Variants in CCDC68 observed in about 807,000 individuals in gnomAD.
The protein encoded by CCDC68 is coiled-coil domain-containing protein 68.
In CCDC68, 45 loss-of-function variants were observed where a neutral mutation model predicts 47.1. The ratio of observed to expected loss-of-function variants is 0.96; its 90% CI spans 0.75 to 1.23. CCDC68 has a LOEUF of 1.23. CCDC68 is among the 50% of genes most tolerant of loss of function. The pLI, the probability that CCDC68 is intolerant of heterozygous loss-of-function variation, is 0.00. For synonymous variants in CCDC68, 131 were observed against 129.5 expected (o/e 1.01, Z -0.08); for missense variants, 353 against 373.6 (o/e 0.94, Z 0.45).
At chr18:54,937,173 C>T (rs2044364322) in intron 5 of CCDC68, 3 of 523,966 alleles carry the variant, frequency 5.7e-6, no homozygotes, top group Non-Finnish European at 6.8e-6. Context: ...GGCAGATTTG[C>T]CATAGTCAAA....
chr18:54,936,492 C>T (rs7243506), intron 6 of CCDC68, among the ~76,000 whole-genome samples: 150,407 of 151,970 alleles, frequency 0.99, 74,454 homozygotes, highest in East Asian at 1. Context: ...TCAGTCTGGG[C>T]CATCTAGCGA....
At chr18:54,910,565 C>T (rs1914297760) in intron 10 of CCDC68, among the ~76,000 whole-genome samples, 1 of 152,202 alleles carries the variant, frequency 6.6e-6, no homozygotes, top group South Asian at 2.1e-4. Context: ...CCCTTCCTGT[C>T]CTGAAGGTGA....
At chr18:54,922,797 G>C (rs1372785629) in intron 8 of CCDC68, among the ~76,000 whole-genome samples, 1 of 152,016 alleles carries the variant, frequency 6.6e-6, no homozygotes, top group Non-Finnish European at 1.5e-5. Flanking sequence ...AGATCAGCCT[G>C]GCCAACATGG....
chr18:54,920,029 A>G (rs1268956090), intron 8 of CCDC68, among the ~76,000 whole-genome samples: 1 of 152,138 alleles, frequency 6.6e-6, no homozygotes, highest in African/African-American at 2.4e-5. Context: ...TTGAATTTAG[A>G]TTATTTATAC....
At chr18:54,942,285 C>T (rs1243923148) in intron 3 of CCDC68, among the ~76,000 whole-genome samples, 1 of 152,108 alleles carries the variant, frequency 6.6e-6, no homozygotes, top group East Asian at 1.9e-4. Context: ...TAACGAGAGG[C>T]ACCAACTCAG....
chr18:54,921,981 GT>G (rs1043171581), intron 8 of CCDC68, among the ~76,000 whole-genome samples: 2 of 151,326 alleles, frequency 1.3e-5, no homozygotes, highest in South Asian at 2.1e-4. Context: ...CAGTCCCCTT[GT>G]TTTTTTTTCC....
chr18:54,917,001 G>C (rs2145412763), intron 10 of CCDC68, among the ~76,000 whole-genome samples: 1 of 152,248 alleles, frequency 6.6e-6, no homozygotes, highest in Admixed American at 6.5e-5. Context: ...TGCCATGATT[G>C]TGAGGCCTCC....
Position 54,941,097 on chromosome 18 carries a change from AC to A in CCDC68, c.118-15del, listed in dbSNP as rs142551755. On this transcript the variant is annotated splice_polypyrimidine_tract_variant and intron_variant, in intron 3 of 11. Transcript: ENST00000591504. ...AGTAGTTCGAATCTAGAGAAGGAAA[AC>A]AAAACCATTTGTTTCAAAGGCATTT... The A allele has an allele frequency of 2.0e-5, 32 of 1,594,850 alleles. No individual in the cohort carries two copies. Among genetic ancestry groups the A allele is most frequent in the South Asian group, 8.9e-5 (8 of 89,586 alleles).
At chr18:54,906,631 C>A (rs967352357) in intron 11 of CCDC68, among the ~76,000 whole-genome samples, 5 of 152,200 alleles carry the variant, frequency 3.3e-5, no homozygotes, top group African/African-American at 1.2e-4. Flanking sequence ...AGCCATCCTT[C>A]CTTCCCTTAG....
intron 7 of CCDC68, among the ~76,000 whole-genome samples, chr18:54,931,976 A>G (rs542596758): frequency 6.6e-6 from 1 of 152,028 alleles, no homozygotes; most frequent in African/African-American, 2.4e-5. Flanking sequence ...TTTAAGTTTT[A>G]CTTTCTTTTT....
intron 1 of CCDC68, among the ~76,000 whole-genome samples, chr18:54,948,276 C>T (rs888143968): frequency 1.3e-5 from 2 of 152,068 alleles, no homozygotes; most frequent in African/African-American, 4.8e-5. Context: ...AGCAATGTGT[C>T]GAGAGATGAG....
chr18:54,946,803 G>T (rs981092109), intron 1 of CCDC68, among the ~76,000 whole-genome samples: 4 of 151,764 alleles, frequency 2.6e-5, no homozygotes, highest in African/African-American at 9.7e-5. Flanking sequence ...GTCAGGTAGG[G>T]GTGATAACAC....
intron 4 of CCDC68, among the ~76,000 whole-genome samples, chr18:54,938,581 A>G (rs1284381005): frequency 6.6e-6 from 1 of 152,274 alleles, no homozygotes; most frequent in Admixed American, 6.5e-5. Flanking sequence ...CACTGCCATT[A>G]TAACCTGATG....
chr18:54,907,864 T>G lies in CCDC68; in HGVS notation c.874-2A>C, dbSNP rs1292368260. The G allele has an allele frequency of 6.4e-7, 1 of 1,570,392 alleles. No individual in the cohort carries two copies. The highest frequency in any genetic ancestry group is 2.2e-5 in the East Asian group (1 of 44,620). On this transcript the variant is annotated splice_acceptor_variant, in intron 10 of 11. Coordinates refer to ENST00000591504, the MANE Select transcript of CCDC68 (RefSeq NM_025214.3). LOFTEE classifies it high-confidence loss of function. ...TACCTGGGTTTTTAGTTCTTTATTC[T>G]AAAATTGAAAAAAAATGCAGACGTC...
chr18:54,914,788 T>C (rs1331116370), intron 10 of CCDC68, among the ~76,000 whole-genome samples: 3 of 152,182 alleles, frequency 2.0e-5, no homozygotes, highest in East Asian at 1.9e-4. Context: ...TGTGGCATAA[T>C]TGCTGAATAG....
In CCDC68 at chr18:54,938,050, A is replaced by G; in HGVS notation, c.252T>C (p.Ser84=). The change falls in exon 5 of 12, where the codon TCT becomes TCC. Residue 84 remains serine, a synonymous_variant. Transcript: ENST00000591504. The part of the protein sequence containing the change: ...QQGSDSEMDP[S]CCSLDLLMKK... ...TCATAAGCAAATCCAAACTGCAACA[A>G]GAAGGATCCATTTCAGAATCAGAGC... 1 of 1,613,950 alleles carries G rather than the reference A, an allele frequency of 6.2e-7. No individual in the cohort carries two copies. The highest frequency in any genetic ancestry group is 8.5e-7 in the Non-Finnish European group (1 of 1,179,866).
chr18:54,915,515 T>A (rs910776557), intron 10 of CCDC68, among the ~76,000 whole-genome samples: 1 of 152,238 alleles, frequency 6.6e-6, no homozygotes, highest in Admixed American at 6.5e-5. Flanking sequence ...AACATAGATA[T>A]ACCCAGCTAT....
intron 8 of CCDC68, among the ~76,000 whole-genome samples, chr18:54,922,246 G>A (rs1308219913): frequency 2.0e-5 from 3 of 152,124 alleles, no homozygotes; most frequent in Admixed American, 1.3e-4. Flanking sequence ...CACCCCCAGC[G>A]GGTAAGGTGC....
chr18:54,942,038 T>C lies in CCDC68; in HGVS notation c.117+637A>G, dbSNP rs558439798. Reference sequence around the variant, plus strand: ...GTCTCAAACTCCTGACCTCAGGTGATCCACCTGCCTCGGCCTCCCAAAGTG... The same window carrying C: ...GTCTCAAACTCCTGACCTCAGGTGACCCACCTGCCTCGGCCTCCCAAAGTG... On this transcript the variant is annotated intron_variant, in intron 3 of 11. Coordinates refer to ENST00000591504, the MANE Select transcript of CCDC68 (RefSeq NM_025214.3). Among the ~76,000 whole-genome samples, 18 of 152,306 alleles carry C rather than the reference T, an allele frequency of 1.2e-4. No homozygotes were observed. In the South Asian group the frequency reaches 3.3e-3, roughly 28 times the overall value.
Sources: allele counts gnomAD v4.1 joint callset (sites outside exome capture counted in the v4.1 genomes callset), GRCh38; gene constraint gnomAD v4.1.1; transcripts MANE v1.5; gene names NCBI Gene and HGNC (gene_info 2026-07-23, HGNC 2026-07-21).